ZBTB39: variants seen among roughly 807,000 people sequenced by gnomAD.
ZBTB39 encodes zinc finger and BTB domain-containing protein 39.
ZBTB39 carries 25 observed loss-of-function variants against 39.4 expected under a neutral mutation model. The observed-to-expected ratio is 0.63, with a 90% confidence interval of 0.46 to 0.89. The LOEUF (loss-of-function observed/expected upper bound fraction) is 0.89. Among genes scored for constraint, ZBTB39 ranks in the 40% least tolerant of loss-of-function variants. The pLI is 0.00. For missense variants in ZBTB39, 891 were observed against 909.7 expected, an observed-to-expected ratio of 0.98 and a Z score of 0.26; for synonymous variants, 373 against 359.6, an observed-to-expected ratio of 1.04 and a Z score of -0.42.
Position 57,000,749 on chromosome 12 carries a change from G to T in ZBTB39, c.*2030C>A, listed in dbSNP as rs1372057118. 6.6e-6 allele frequency: 1 copy of T among 152,218 alleles called. No individual in the cohort carries two copies. The highest frequency in any genetic ancestry group is 2.4e-5 in the African/African-American group (1 of 41,448). 9.4% of individuals were successfully genotyped at this position (152,218 alleles called of 1,614,324 possible). On this transcript the variant is annotated 3_prime_UTR_variant, in exon 2 of 2. Transcript: ENST00000300101. ...AGGTGGGTTTAGATGGTCAAAGGTG[G>T]ACCTTTAAACTGGCCACTGTACAAG... is the stretch of plus-strand genomic sequence containing the variant.
At position 57,003,226 on chromosome 12, in the gene ZBTB39, A is replaced by C. The variant is rs769729597; in HGVS notation, c.1692T>G (p.Ser564Arg). ...RYHVSQHKCN[S>R]GLDARPGFGL... ...CAAAACCAGGCCGTGCATCAAGGCC[A>C]CTGTTGCATTTGTGCTGGCTGACGT... is the stretch of plus-strand genomic sequence containing the variant. The change falls in exon 2 of 2, where the codon AGT (serine) becomes AGG (arginine). Residue 564 changes from serine (S) to arginine (R), a missense_variant. Physicochemically the swap from Ser to Arg is moderately radical, Grantham distance 110. Coordinates refer to ENST00000300101, the MANE Select transcript of ZBTB39 (RefSeq NM_014830.3). The surrounding 1 kb of genome is among the most constrained non-coding windows in gnomAD (Gnocchi z 4.8). 5 of 1,614,210 alleles carry C rather than the reference A, an allele frequency of 3.1e-6. No individual in the cohort carries two copies. The Admixed American group carries it at 5.0e-5, about 16-fold the overall frequency.
rs901844081 is a variant in ZBTB39, at chr12:57,003,119, G to C, written c.1799C>G (p.Pro600Arg). 7 of 1,614,056 alleles carry C rather than the reference G, an allele frequency of 4.3e-6. No homozygotes were observed. The highest frequency in any genetic ancestry group is 1.3e-5 in the African/African-American group (1 of 74,934). The part of the protein sequence containing the change: ...LGEELALQGQ[P>R]GNSKYSCKVC... ...CTTGCAGCTATACTTGCTGTTCCCA[G>C]GTTGGCCCTGCAGCGCCAGCTCTTC... Residue 600 changes from proline to arginine, a missense_variant, in exon 2 of 2, where the codon CCT becomes CGT. Transcript: ENST00000300101. The surrounding 1 kb of genome is among the most constrained non-coding windows in gnomAD (Gnocchi z 4.8).
In ZBTB39 at chr12:57,003,894, C is replaced by G. The variant is rs1486837996; in HGVS notation, c.1024G>C (p.Ala342Pro). 1 of 1,614,054 alleles carries G rather than the reference C, an allele frequency of 6.2e-7. No individual in the cohort carries two copies. Among genetic ancestry groups the G allele is most frequent in the East Asian group, 2.2e-5 (1 of 44,902 alleles). The change falls in exon 2 of 2, where the codon GCC becomes CCC. Residue 342 changes from alanine (A) to proline (P), a missense_variant. Ala to Pro is a conservative substitution (Grantham distance 27). Transcript: ENST00000300101. The surrounding 1 kb of genome is among the most constrained non-coding windows in gnomAD (Gnocchi z 4.8). ...FGENDNRENK[A>P]MPCQVCKKVL... ...TTCTTGCACACCTGGCAGGGCATGG[C>G]CTTATTCTCCCGATTGTCATTCTCT...
Position 57,003,257 on chromosome 12 carries a change from C to T in ZBTB39, c.1661G>A (p.Arg554His), listed in dbSNP as rs761296107. The change falls in exon 2 of 2, where the codon CGC (arginine) becomes CAC (histidine). Residue 554 changes from arginine to histidine, a missense_variant. By Grantham distance (29) the Arg-to-His change is conservative. Transcript: ENST00000300101. This position sits in a 1 kb window ranked among gnomAD's most constrained non-coding sequence, Gnocchi z 4.8. ...SQSFKSEAAY[R>H]YHVSQHKCNS... is the part of the protein sequence containing the mutation. ...GCATTTGTGCTGGCTGACGTGGTAG[C>T]GATAGGCAGCCTCTGACTTGAAGCT... 36 of 1,614,040 alleles carry T rather than the reference C, an allele frequency of 2.2e-5. No individual in the cohort carries two copies. The highest frequency in any genetic ancestry group is 6.7e-5 in the East Asian group (3 of 44,898).
At position 57,002,547 on chromosome 12, in the gene ZBTB39, A is replaced by T. The variant is rs537023454; in HGVS notation, c.*232T>A. ...CCAGCCTCAAAAGAATGAAAAACAT[A>T]GCCCTGCATGGGCAAGAACAGGTAT... is the stretch of plus-strand genomic sequence containing the variant. On this transcript the variant is annotated 3_prime_UTR_variant, in exon 2 of 2. Coordinates refer to ENST00000300101, the MANE Select transcript of ZBTB39 (RefSeq NM_014830.3). 1.8e-6 allele frequency: 1 copy of T among 541,654 alleles called. No individual in the cohort carries two copies. Among genetic ancestry groups the T allele is most frequent in the East Asian group, 3.0e-5 (1 of 33,544 alleles). 33.6% of individuals were successfully genotyped at this position (541,654 alleles called of 1,614,324 possible).
chr12:57,006,018 TG>T (rs1037585498), intron 1 of ZBTB39, among the ~76,000 whole-genome samples: 5 of 152,158 alleles, frequency 3.3e-5, no homozygotes, highest in African/African-American at 1.2e-4. Flanking sequence ...GTCGGAGCAC[TG>T]GGCAGCCAGA....
At position 57,003,371 on chromosome 12, in the gene ZBTB39, C is replaced by T. The variant is rs1410682874; in HGVS notation, c.1547G>A (p.Ser516Asn). The change falls in exon 2 of 2, where the codon AGC becomes AAC. Residue 516 changes from serine to asparagine, a missense_variant. Ser to Asn is a conservative substitution (Grantham distance 46). Transcript: ENST00000300101. This position sits in a 1 kb window ranked among gnomAD's most constrained non-coding sequence, Gnocchi z 4.8. ...CTCTAGAAGATGCCAGTCCACAAAG[C>T]TGTTCGCACAGACAGAACAGGAGAA... ...SVFSCSVCANSFVDWHLLEKH... is the reference protein window; with the variant it reads ...SVFSCSVCANNFVDWHLLEKH... The T allele has an allele frequency of 6.2e-7, 1 of 1,614,072 alleles. No individual in the cohort carries two copies. Among genetic ancestry groups the T allele is most frequent in the East Asian group, 2.2e-5 (1 of 44,886 alleles).
At position 57,003,000 on chromosome 12, in the gene ZBTB39, T is replaced by G. The variant is rs1345554321; in HGVS notation, c.1918A>C (p.Lys640Gln). 6.2e-7 allele frequency: 1 copy of G among 1,614,104 alleles called. No homozygotes were observed. Among genetic ancestry groups the G allele is most frequent in the Non-Finnish European group, 8.5e-7 (1 of 1,180,038 alleles). ...EKPYQCKVCH[K>Q]FFRGRSTIKC... ...ATGGTCGAGCGGCCTCGAAAGAACT[T>G]GTGGCACACCTTACATTGGTATGGC... Residue 640 changes from lysine (K) to glutamine (Q), a missense_variant, in exon 2 of 2, where the codon AAG becomes CAG. Coordinates refer to ENST00000300101, the MANE Select transcript of ZBTB39 (RefSeq NM_014830.3).
rs1202128925 is a variant in ZBTB39 at position 56,999,272 on chromosome 12, A to G, written c.*3507T>C. 6.6e-6 allele frequency: 1 copy of G among 152,172 alleles called. No homozygotes were observed. Among genetic ancestry groups the G allele is most frequent in the Non-Finnish European group, 1.5e-5 (1 of 68,034 alleles). The allele number at this position is 152,172 out of a possible 1,614,324, so 9.4% of individuals were successfully genotyped here. A position where few individuals can be genotyped will look rare whatever the true frequency, so the allele number is the denominator to read the frequency against. On this transcript the variant is annotated 3_prime_UTR_variant, in exon 2 of 2. Transcript: ENST00000300101. ...GTCCCAGATGGGTGCAGACCACCCC[A>G]TAGAGCCCACTCCCATACCAATAAA... is the stretch of plus-strand genomic sequence containing the variant.
Position 57,000,978 on chromosome 12 carries a change from A to G in ZBTB39, c.*1801T>C, listed in dbSNP as rs536604216. On this transcript the variant is annotated 3_prime_UTR_variant, in exon 2 of 2. Transcript: ENST00000300101. ...CTTGTTCCCCTCAACCCTGTCCCCA[A>G]TCTACTCCATCACAGGAAGGAAGGG... 4 of 152,416 alleles carry G rather than the reference A, an allele frequency of 2.6e-5. No homozygotes were observed. Among genetic ancestry groups the G allele is most frequent in the Admixed American group, 1.3e-4 (2 of 15,302 alleles). 9.4% of individuals were successfully genotyped at this position (152,416 alleles called of 1,614,324 possible).
At position 57,003,165 on chromosome 12, in the gene ZBTB39, G is replaced by A; in HGVS notation, c.1753C>T (p.Pro585Ser). 1.2e-6 allele frequency: 2 copies of A among 1,614,072 alleles called. No individual in the cohort carries two copies. Among genetic ancestry groups the A allele is most frequent in the Middle Eastern group, 1.7e-4 (1 of 6,056 alleles). ...TCTTCACCCAGAAACTCCTCTGCTG[G>A]CAGCTTCCGCTTCTGGAGAGCTGGG... is the stretch of plus-strand genomic sequence containing the variant. Reference protein sequence around the residue: ...QHPALQKRKLPAEEFLGEELA... With the variant: ...QHPALQKRKLSAEEFLGEELA... Residue 585 changes from proline to serine, a missense_variant, in exon 2 of 2, where the codon CCA (proline) becomes TCA (serine). Physicochemically the swap from Pro to Ser is moderately conservative, Grantham distance 74. Transcript: ENST00000300101. The surrounding 1 kb of genome is among the most constrained non-coding windows in gnomAD (Gnocchi z 4.8).
rs774329056 is a variant in ZBTB39 at position 57,004,884 on chromosome 12, G to T, written c.34C>A (p.His12Asn). The T allele has an allele frequency of 6.2e-7, 1 of 1,608,346 alleles. No individual in the cohort carries two copies. Among genetic ancestry groups the T allele is most frequent in the Admixed American group, 1.7e-5 (1 of 59,716 alleles). ...GMRIKLQSTNHPNNLLKELNK... is the reference protein window; with the variant it reads ...GMRIKLQSTNNPNNLLKELNK... The stretch of plus-strand genomic sequence containing the variant: ...AGTTCCTTCAGCAGGTTGTTGGGGT[G>T]GTTGGTGCTTTGCAGTTTGATCCTC... Residue 12 changes from histidine (H) to asparagine (N), a missense_variant, in exon 2 of 2, where the codon CAC becomes AAC. By Grantham distance (68) the His-to-Asn change is moderately conservative. Transcript: ENST00000300101.
chr12:57,003,266 G>A lies in ZBTB39; in HGVS notation c.1652C>T (p.Ala551Val). Residue 551 changes from alanine to valine, a missense_variant, in exon 2 of 2, where the codon GCT becomes GTT. Coordinates refer to ENST00000300101, the MANE Select transcript of ZBTB39 (RefSeq NM_014830.3). This position sits in a 1 kb window ranked among gnomAD's most constrained non-coding sequence, Gnocchi z 4.8. ...RLCSQSFKSE[A>V]AYRYHVSQHK... is the part of the protein sequence containing the mutation. ...CTGGCTGACGTGGTAGCGATAGGCA[G>A]CCTCTGACTTGAAGCTCTGGCTGCA... 1.2e-6 allele frequency: 2 copies of A among 1,614,198 alleles called. No individual in the cohort carries two copies. Among genetic ancestry groups the A allele is most frequent in the Non-Finnish European group, 1.7e-6 (2 of 1,180,018 alleles).
chr12:57,005,711 C>A (rs555804581), intron 1 of ZBTB39, among the ~76,000 whole-genome samples: 13 of 152,230 alleles, frequency 8.5e-5, no homozygotes, highest in African/African-American at 2.9e-4. Flanking sequence ...ATTTTGTTGT[C>A]CCTGCACTAA....
Position 57,003,913 on chromosome 12 carries a change from A to C in ZBTB39, c.1005T>G (p.Asn335Lys), listed in dbSNP as rs749010094. The change falls in exon 2 of 2, where the codon AAT becomes AAG. Residue 335 changes from asparagine to lysine, a missense_variant. Transcript: ENST00000300101. This position sits in a 1 kb window ranked among gnomAD's most constrained non-coding sequence, Gnocchi z 4.8. ...DSEDELAFGE[N>K]DNRENKAMPC... ...GCATGGCCTTATTCTCCCGATTGTC[A>C]TTCTCTCCAAAAGCCAACTCATCCT... 1 of 1,614,096 alleles carries C rather than the reference A, an allele frequency of 6.2e-7. No homozygotes were observed. Among genetic ancestry groups the C allele is most frequent in the Non-Finnish European group, 8.5e-7 (1 of 1,180,020 alleles).
rs374615327 is a variant in ZBTB39 at position 57,004,070 on chromosome 12, G to C, written c.848C>G (p.Ser283Cys). ...TNSCLSNSEHSKDPGFGQMDE... is the reference protein window; with the variant it reads ...TNSCLSNSEHCKDPGFGQMDE... ...CATCTGCCCAAAGCCAGGATCTTTG[G>C]AGTGCTCACTATTGCTCAGACAGGA... is the stretch of plus-strand genomic sequence containing the variant. Residue 283 changes from serine to cysteine, a missense_variant, in exon 2 of 2, where the codon TCC (serine) becomes TGC (cysteine). Coordinates refer to ENST00000300101, the MANE Select transcript of ZBTB39 (RefSeq NM_014830.3). 6 of 1,614,120 alleles carry C rather than the reference G, an allele frequency of 3.7e-6. No individual in the cohort carries two copies.
Position 57,002,903 on chromosome 12 carries a change from G to T in ZBTB39, c.2015C>A (p.Thr672Asn), listed in dbSNP as rs1195444380. 1.2e-6 allele frequency: 2 copies of T among 1,614,114 alleles called. No homozygotes were observed. Among genetic ancestry groups the T allele is most frequent in the Non-Finnish European group, 1.7e-6 (2 of 1,180,046 alleles). Residue 672 changes from threonine to asparagine, a missense_variant, in exon 2 of 2, where the codon ACC (threonine) becomes AAC (asparagine). Thr to Asn is a moderately conservative substitution (Grantham distance 65). Coordinates refer to ENST00000300101, the MANE Select transcript of ZBTB39 (RefSeq NM_014830.3). ...AACATGTTTGCTCATGAGGTTAAGG[G>T]TGGAACTGTAGTGCCCACAGACTGT... is the stretch of plus-strand genomic sequence containing the variant. ...RCTVCGHYSS[T>N]LNLMSKHVGV...
rs1418288344 is a variant in ZBTB39 at position 57,003,160 on chromosome 12, T to G, written c.1758A>C (p.Ala586=). The change falls in exon 2 of 2, where the codon GCA becomes GCC. Residue 586 remains alanine (A), a synonymous_variant. Coordinates refer to ENST00000300101, the MANE Select transcript of ZBTB39 (RefSeq NM_014830.3). This position sits in a 1 kb window ranked among gnomAD's most constrained non-coding sequence, Gnocchi z 4.8. ...CCAGCTCTTCACCCAGAAACTCCTCTGCTGGCAGCTTCCGCTTCTGGAGAG... is the reference window on the plus strand; with the variant it reads ...CCAGCTCTTCACCCAGAAACTCCTCGGCTGGCAGCTTCCGCTTCTGGAGAG... ...HPALQKRKLP[A]EEFLGEELAL... 6.2e-7 allele frequency: 1 copy of G among 1,614,158 alleles called. No individual in the cohort carries two copies. Among genetic ancestry groups the G allele is most frequent in the Non-Finnish European group, 8.5e-7 (1 of 1,180,016 alleles).
chr12:57,005,409 T>A (rs1442885297), intron 1 of ZBTB39, among the ~76,000 whole-genome samples: 1 of 152,200 alleles, frequency 6.6e-6, no homozygotes, highest in South Asian at 2.1e-4. Context: ...GAGGAACATA[T>A]AAGGTGGTTC....
Sources: allele counts gnomAD v4.1 joint callset (sites outside exome capture counted in the v4.1 genomes callset), GRCh38; gene constraint gnomAD v4.1.1; non-coding constraint Gnocchi (gnomAD v3.1); transcripts MANE v1.5; gene names NCBI Gene and HGNC (gene_info 2026-07-23, HGNC 2026-07-21).